BEST3: variants seen among roughly 807,000 people sequenced by gnomAD.
The protein encoded by BEST3 is bestrophin-3.
In BEST3, 50 loss-of-function variants were observed where a neutral mutation model predicts 47.1. The observed-to-expected ratio is 1.06, with a 90% CI of 0.85 to 1.34. The LOEUF (loss-of-function observed/expected upper bound fraction) is 1.34, where lower values mean the gene tolerates loss of function less well. BEST3 is among the 40% of genes most tolerant of loss of function. The pLI is 0.00. For missense variants in BEST3, 765 were observed against 817.0 expected, an observed-to-expected ratio of 0.94 and a Z score of 0.78; for synonymous variants, 282 against 298.8, an observed-to-expected ratio of 0.94 and a Z score of 0.58.
intron 4 of BEST3, among the ~76,000 whole-genome samples, chr12:69,681,961 A>G (rs1035836746): frequency 2.6e-5 from 4 of 151,728 alleles, no homozygotes; most frequent in Admixed American, 6.6e-5. Context: ...GGGACCTGTA[A>G]TCCCAGCTGC....
Position 69,654,147 on chromosome 12 carries a change from CTT to C in BEST3, c.*758_*759del. On this transcript the variant is annotated 3_prime_UTR_variant, in exon 10 of 10. Coordinates refer to ENST00000330891, the MANE Select transcript of BEST3 (RefSeq NM_032735.3). Reference sequence around the variant, plus strand: ...ATTCTGTAGGAGGCTTTGCCAATGTCTTATATTTTGAAATTCATGGCAAGACA... The same window carrying C: ...ATTCTGTAGGAGGCTTTGCCAATGTCATATTTTGAAATTCATGGCAAGACA... The C allele has an allele frequency of 1.0e-6, 1 of 985,036 alleles. No homozygotes were observed. Among genetic ancestry groups the C allele is most frequent in the Non-Finnish European group, 1.2e-6 (1 of 829,872 alleles). The allele number at this position is 985,036 out of a possible 1,614,324, so 61.0% of individuals were successfully genotyped here. A position where few individuals can be genotyped will look rare whatever the true frequency, so the allele number is the denominator to read the frequency against.
Position 69,671,525 on chromosome 12 carries a change from C to T in BEST3, c.1003G>A (p.Asp335Asn). 2 of 1,613,854 alleles carry T rather than the reference C, an allele frequency of 1.2e-6. No individual in the cohort carries two copies. The highest frequency in any genetic ancestry group is 8.5e-7 in the Non-Finnish European group (1 of 1,179,808). Residue 335 changes from aspartate to asparagine, a missense_variant, in exon 9 of 10, where the codon GAC becomes AAC. Transcript: ENST00000330891. Reference sequence around the variant, plus strand: ...GCAGCAGAATCGTCCCAGTAAATGTCCTTCTTCATCTTGGGTAAGCTCATG... The same window carrying T: ...GCAGCAGAATCGTCCCAGTAAATGTTCTTCTTCATCTTGGGTAAGCTCATG... ...MHMSLPKMKKDIYWDDSAARP... is the reference protein window; with the variant it reads ...MHMSLPKMKKNIYWDDSAARP...
intron 9 of BEST3, among the ~76,000 whole-genome samples, chr12:69,665,119 TGCC>T (rs1260441680): frequency 8.3e-6 from 1 of 119,920 alleles, no homozygotes; most frequent in Non-Finnish European, 2.0e-5. Flanking sequence ...GTAAAAGGGA[TGCC>T]AAGTCACACA....
intron 4 of BEST3, among the ~76,000 whole-genome samples, chr12:69,679,878 T>C (rs1230433145): frequency 1.4e-5 from 2 of 147,890 alleles, no homozygotes; most frequent in Non-Finnish European, 3.0e-5. Context: ...AAAAAAAGGG[T>C]TTCTTGGTGT....
chr12:69,651,523 A>T (rs1883208852), downstream of BEST3, among the ~76,000 whole-genome samples: 1 of 152,182 alleles, frequency 6.6e-6, no homozygotes, highest in Non-Finnish European at 1.5e-5. Flanking sequence ...CTATAATCCC[A>T]GCACTTTGGG....
At chr12:69,658,637 A>C (rs1315024622) in intron 9 of BEST3, among the ~76,000 whole-genome samples, 1 of 152,230 alleles carries the variant, frequency 6.6e-6, no homozygotes, top group Non-Finnish European at 1.5e-5. Context: ...CATATAAATA[A>C]ATATTTACAT....
chr12:69,666,087 T>C (rs1257112831), intron 9 of BEST3, among the ~76,000 whole-genome samples: 4 of 152,192 alleles, frequency 2.6e-5, no homozygotes, highest in African/African-American at 9.6e-5. Flanking sequence ...TGGCATGAGC[T>C]TGGCTAACTG....
At chr12:69,675,678 T>G (rs928944862) in intron 7 of BEST3, among the ~76,000 whole-genome samples, 10 of 152,278 alleles carry the variant, frequency 6.6e-5, no homozygotes, top group African/African-American at 2.4e-4. Flanking sequence ...TCTCTTCTGC[T>G]TTCTTGCTCT....
chr12:69,679,733 C>T (rs1401715610), intron 4 of BEST3, among the ~76,000 whole-genome samples: 3 of 152,146 alleles, frequency 2.0e-5, no homozygotes, highest in African/African-American at 4.8e-5. Context: ...TGGTGGCACA[C>T]GCCTGTAATC....
intron 4 of BEST3, among the ~76,000 whole-genome samples, chr12:69,682,412 G>T (rs911244736): frequency 1.3e-5 from 2 of 152,142 alleles, no homozygotes; most frequent in Non-Finnish European, 1.5e-5. Context: ...GCTTAGAAGG[G>T]TTCTCTCCAT....
chr12:69,651,908 G>A (rs1883223043), downstream of BEST3, among the ~76,000 whole-genome samples: 1 of 152,000 alleles, frequency 6.6e-6, no homozygotes, highest in African/African-American at 2.4e-5. Context: ...TACTTTCATG[G>A]CAAATTTTAC....
At chr12:69,665,044 C>T (rs1430786837) in intron 9 of BEST3, among the ~76,000 whole-genome samples, 2 of 151,776 alleles carry the variant, frequency 1.3e-5, no homozygotes, top group Non-Finnish European at 2.9e-5. Context: ...CTACAGCGAA[C>T]ACCAGAGGGA....
At chr12:69,682,138 T>G (rs1885294631) in intron 4 of BEST3, among the ~76,000 whole-genome samples, 1 of 151,172 alleles carries the variant, frequency 6.6e-6, no homozygotes, top group East Asian at 1.9e-4. Context: ...TCCTTAGAGA[T>G]TCTGATTCAA....
chr12:69,688,048 A>AAT (rs1166148944), intron 4 of BEST3, among the ~76,000 whole-genome samples: 1 of 152,202 alleles, frequency 6.6e-6, no homozygotes, highest in Non-Finnish European at 1.5e-5. Flanking sequence ...CTTTAAGAGG[A>AAT]ATGTATATAA....
chr12:69,687,148 A>G (rs1471762847), intron 4 of BEST3: 1 of 152,226 alleles, frequency 6.6e-6, no homozygotes, highest in Non-Finnish European at 1.5e-5. Context: ...CCCAGACCTG[A>G]GTTCCATTTA....
intron 9 of BEST3, among the ~76,000 whole-genome samples, chr12:69,659,865 G>A (rs778669483): frequency 5.9e-5 from 9 of 152,078 alleles, no homozygotes; most frequent in Non-Finnish European, 8.8e-5. Flanking sequence ...ATATTCCTAT[G>A]TATTAGGGAG....
At chr12:69,669,909 G>T (rs1025410784) in intron 9 of BEST3, 1 of 152,318 alleles carries the variant, frequency 6.6e-6, no homozygotes, top group African/African-American at 2.4e-5. Flanking sequence ...TAACCATGGG[G>T]TAACAACAAC....
intron 9 of BEST3, among the ~76,000 whole-genome samples, chr12:69,657,549 A>T (rs1465816517): frequency 2.0e-5 from 3 of 152,158 alleles, no homozygotes; most frequent in Non-Finnish European, 4.4e-5. Context: ...GGGTTTGAAG[A>T]ACAACTTAAA....
chr12:69,650,152 C>T (rs114656788), downstream of BEST3, among the ~76,000 whole-genome samples: 655 of 152,292 alleles, frequency 4.3e-3, 2 homozygotes, highest in African/African-American at 0.015. Flanking sequence ...TTGCCATGGC[C>T]AGGCATGAGC....
Sources: gnomAD v4.1 joint callset for allele counts (sites outside exome capture counted in the v4.1 genomes callset) on GRCh38, gnomAD v4.1.1 for gene constraint, MANE v1.5 for transcripts, NCBI Gene and HGNC (gene_info 2026-07-23, HGNC 2026-07-21) for gene names.